SLC24A4: variants seen among roughly 807,000 people sequenced by gnomAD.
SLC24A4 encodes the protein solute carrier family 24 member 4.
Under a neutral mutation model 79.0 loss-of-function variants are expected in SLC24A4, and 53 were observed. The ratio of observed to expected loss-of-function variants is 0.67; its 90% CI spans 0.54 to 0.84. The LOEUF (loss-of-function observed/expected upper bound fraction) is 0.84, where lower values mean the gene tolerates loss of function less well. Ranked by LOEUF, SLC24A4 falls within the 40% of genes least tolerant of loss-of-function variation. The pLI is 0.00. For synonymous variants in SLC24A4, 323 were observed against 323.8 expected (o/e 1.00, Z 0.03); for missense variants, 731 against 822.0 (o/e 0.89, Z 1.35).
At position 92,323,743 on chromosome 14, in the gene SLC24A4, C is replaced by G; in HGVS notation, c.-88C>G. ...GCCTCTGAGTCGCGCACCGCCTGCT[C>G]CAGCCCCAGCGCCGCTCGGCCACTG... On this transcript the variant is annotated 5_prime_UTR_variant, in exon 1 of 17. Transcript: ENST00000532405. This position sits in a 1 kb window ranked among gnomAD's most constrained non-coding sequence, Gnocchi z 4.9. 1 of 1,465,554 alleles carries G rather than the reference C, an allele frequency of 6.8e-7. No homozygotes were observed. Among genetic ancestry groups the G allele is most frequent in the Non-Finnish European group, 9.0e-7 (1 of 1,106,550 alleles). The allele number at this position is 1,465,554 out of a possible 1,614,324, so 90.8% of individuals were successfully genotyped here. A position where few individuals can be genotyped will look rare whatever the true frequency, so the allele number is the denominator to read the frequency against.
intron 2 of SLC24A4, among the ~76,000 whole-genome samples, chr14:92,338,406 T>C (rs1344972663): frequency 1.3e-5 from 2 of 152,234 alleles, no homozygotes; most frequent in East Asian, 3.8e-4. Flanking sequence ...CTTTGTGAAA[T>C]AGAAGACATC....
Position 92,325,967 on chromosome 14 carries a change from G to C in SLC24A4, c.230G>C (p.Cys77Ser). 1 of 1,607,610 alleles carries C rather than the reference G, an allele frequency of 6.2e-7. No homozygotes were observed. The highest frequency in any genetic ancestry group is 8.5e-7 in the Non-Finnish European group (1 of 1,174,978). Residue 77 changes from cysteine (C) to serine (S), a missense_variant, in exon 2 of 17, where the codon TGC becomes TCC. By Grantham distance (112) the Cys-to-Ser change is moderately radical. Transcript: ENST00000532405. ...PVNGTQTAKN[C>S]TDPAIHEFPT... is the part of the protein sequence containing the mutation. ...AATGGGACACAGACAGCCAAGAACT[G>C]CACAGATCCTGGTAAGAAATCAATT... is the stretch of plus-strand genomic sequence containing the variant.
chr14:92,435,637 CTT>C (rs1188297903), intron 3 of SLC24A4, among the ~76,000 whole-genome samples: 1 of 152,150 alleles, frequency 6.6e-6, no homozygotes, highest in East Asian at 1.9e-4. Flanking sequence ...AGTATTAACT[CTT>C]TGCAAGAGAT....
At chr14:92,366,733 G>A (rs1024275413) in intron 2 of SLC24A4, among the ~76,000 whole-genome samples, 3 of 152,176 alleles carry the variant, frequency 2.0e-5, no homozygotes, top group Non-Finnish European at 4.4e-5. Flanking sequence ...ACCTTCTGTC[G>A]GCTGGATAAT....
chr14:92,422,838 C>T (rs1891358298), intron 2 of SLC24A4, among the ~76,000 whole-genome samples: 1 of 152,164 alleles, frequency 6.6e-6, no homozygotes, highest in Non-Finnish European at 1.5e-5. Flanking sequence ...TTTATTGCGA[C>T]AGGGTCTCAC....
chr14:92,428,467 C>T (rs987853580), intron 2 of SLC24A4, among the ~76,000 whole-genome samples: 2 of 152,160 alleles, frequency 1.3e-5, no homozygotes. Flanking sequence ...ACATTGAGTG[C>T]CTATTGGCCT....
intron 2 of SLC24A4, among the ~76,000 whole-genome samples, chr14:92,429,067 G>A (rs1179585377): frequency 6.6e-6 from 1 of 152,150 alleles, no homozygotes; most frequent in Non-Finnish European, 1.5e-5. Flanking sequence ...AGTGTCGAGA[G>A]GCTGTCCTGG....
chr14:92,487,009 T>G (rs1895404707), intron 14 of SLC24A4, among the ~76,000 whole-genome samples: 1 of 152,042 alleles, frequency 6.6e-6, no homozygotes, highest in Non-Finnish European at 1.5e-5. Context: ...CTTTTGCTAG[T>G]GTGGTTGTAT....
intron 2 of SLC24A4, among the ~76,000 whole-genome samples, chr14:92,329,325 G>A (rs1885334529): frequency 6.6e-6 from 1 of 152,208 alleles, no homozygotes; most frequent in South Asian, 2.1e-4. Context: ...CTTTACCTGT[G>A]AGAGGAAGAA....
intron 1 of SLC24A4, 101 bp downstream of exon 1, chr14:92,324,061 T>A: frequency 6.8e-7 from 1 of 1,480,178 alleles, no homozygotes; most frequent in Non-Finnish European, 9.0e-7. Context: ...CCTCATCAGG[T>A]TGGTCCCAAG....
intron 2 of SLC24A4, among the ~76,000 whole-genome samples, chr14:92,334,697 C>T (rs906307822): frequency 3.9e-5 from 6 of 152,132 alleles, no homozygotes; most frequent in Non-Finnish European, 7.3e-5. Context: ...TCCCAGCTCA[C>T]CCCTTACTGG....
intron 2 of SLC24A4, among the ~76,000 whole-genome samples, chr14:92,388,562 C>T (rs1889296136): frequency 6.6e-6 from 1 of 152,226 alleles, no homozygotes; most frequent in African/African-American, 2.4e-5. Flanking sequence ...CCTCTCCCTC[C>T]TGGCTCTCGC....
At chr14:92,445,191 A>G (rs541324231) in intron 7 of SLC24A4, 126 bp from the exon 8 acceptor site, 3 of 1,027,034 alleles carry the variant, frequency 2.9e-6, no homozygotes, top group African/African-American at 1.6e-5. Context: ...CAGCTCAGAA[A>G]TGGACCCATA....
At chr14:92,480,455 G>T (rs1301697144) in intron 12 of SLC24A4, among the ~76,000 whole-genome samples, 40 of 148,146 alleles carry the variant, frequency 2.7e-4, no homozygotes, top group Admixed American at 2.6e-3. Flanking sequence ...CACCACGCCC[G>T]GCTAATTTTT....
intron 2 of SLC24A4, among the ~76,000 whole-genome samples, chr14:92,400,237 G>T (rs1022862354): frequency 6.6e-6 from 1 of 152,052 alleles, no homozygotes; most frequent in African/African-American, 2.4e-5. Context: ...TCAGGAGATC[G>T]AGAACATCCA....
At chr14:92,376,212 A>G (rs1487675894) in intron 2 of SLC24A4, among the ~76,000 whole-genome samples, 2 of 152,224 alleles carry the variant, frequency 1.3e-5, no homozygotes, top group Non-Finnish European at 2.9e-5. Context: ...GATGCTGGGC[A>G]AGTTACTTGG....
intron 2 of SLC24A4, among the ~76,000 whole-genome samples, chr14:92,387,697 G>A (rs901436681): frequency 3.3e-5 from 5 of 152,204 alleles, no homozygotes; most frequent in Non-Finnish European, 7.3e-5. Flanking sequence ...CTGTACCCAT[G>A]AGCACTAACT....
Position 92,449,058 on chromosome 14 carries a change from C to T in SLC24A4, c.738-16C>T. 1 of 1,613,816 alleles carries T rather than the reference C, an allele frequency of 6.2e-7. No homozygotes were observed. On this transcript the variant is annotated splice_polypyrimidine_tract_variant and intron_variant, in intron 9 of 16. Coordinates refer to ENST00000532405, the MANE Select transcript of SLC24A4 (RefSeq NM_153646.4). ...CCTTTCCATTGCCCTGACCTCCTGCCTCCCCTCGCTTCCAGGTACAATGTG... is the reference window on the plus strand; with the variant it reads ...CCTTTCCATTGCCCTGACCTCCTGCTTCCCCTCGCTTCCAGGTACAATGTG...
chr14:92,410,336 T>C (rs113235844), intron 2 of SLC24A4, among the ~76,000 whole-genome samples: 3,677 of 152,274 alleles, frequency 0.024, 64 homozygotes, highest in Non-Finnish European at 0.036. Flanking sequence ...TGTGCCACCA[T>C]GCCTGACTAA....
Sources: allele counts gnomAD v4.1 joint callset (sites outside exome capture counted in the v4.1 genomes callset), GRCh38; gene constraint gnomAD v4.1.1; non-coding constraint Gnocchi (gnomAD v3.1); transcripts MANE v1.5; gene names NCBI Gene and HGNC (gene_info 2026-07-23, HGNC 2026-07-21).